HMBOX1: variants seen among roughly 807,000 people sequenced by gnomAD.
The protein encoded by HMBOX1 is homeobox-containing protein 1.
Under a neutral mutation model 54.5 loss-of-function variants are expected in HMBOX1, and 14 were observed. The observed-to-expected ratio is 0.26, with a 90% CI of 0.17 to 0.40. The LOEUF (loss-of-function observed/expected upper bound fraction) is 0.40, where lower values mean the gene tolerates loss of function less well. Ranked by LOEUF, HMBOX1 falls within the 10% of genes least tolerant of loss-of-function variation. The pLI, the probability that HMBOX1 is intolerant of heterozygous loss-of-function variation, is 1.00. For missense variants in HMBOX1, 332 were observed against 514.4 expected, an observed-to-expected ratio of 0.65 and a Z score of 3.43; for synonymous variants, 160 against 181.0, an observed-to-expected ratio of 0.88 and a Z score of 0.93.
chr8:28,975,974 G>T (rs1828289417), intron 3 of HMBOX1, among the ~76,000 whole-genome samples: 1 of 152,166 alleles, frequency 6.6e-6, no homozygotes, highest in African/African-American at 2.4e-5. Context: ...AGGGTCGGGG[G>T]TGATGTCAAA....
intron 1 of HMBOX1, among the ~76,000 whole-genome samples, chr8:28,908,637 C>G (rs533389185): frequency 2.0e-5 from 3 of 152,236 alleles, no homozygotes; most frequent in Non-Finnish European, 4.4e-5. Context: ...TGCCTGTAAT[C>G]CCAGCTATGT....
At chr8:29,036,939 G>A (rs952076345) in intron 6 of HMBOX1, among the ~76,000 whole-genome samples, 1 of 152,194 alleles carries the variant, frequency 6.6e-6, no homozygotes, top group Non-Finnish European at 1.5e-5. Flanking sequence ...AAATCCAGGT[G>A]TAATGAGCTG....
chr8:28,992,869 CA>C (rs34488854), intron 4 of HMBOX1, among the ~76,000 whole-genome samples: 28 of 57,248 alleles, frequency 4.9e-4, no homozygotes, highest in African/African-American at 1.7e-3. Flanking sequence ...GACTCTGTCT[CA>C]AAAAAAAAAA....
At chr8:29,007,337 T>C (rs1409474214) in intron 4 of HMBOX1, among the ~76,000 whole-genome samples, 1 of 152,034 alleles carries the variant, frequency 6.6e-6, no homozygotes, top group African/African-American at 2.4e-5. Context: ...ATAACCATAA[T>C]GTCTGAAACT....
intron 1 of HMBOX1, among the ~76,000 whole-genome samples, chr8:28,893,539 G>A (rs1029390190): frequency 1.3e-5 from 2 of 152,190 alleles, no homozygotes; most frequent in African/African-American, 4.8e-5. Flanking sequence ...CCTTTAGCTG[G>A]AAGTTGAATG....
At chr8:28,949,985 T>C (rs1397306332) in intron 1 of HMBOX1, 4 of 152,246 alleles carry the variant, frequency 2.6e-5, no homozygotes, top group African/African-American at 4.8e-5. Context: ...GGAATTCTTA[T>C]GAGTTACTTT....
intron 3 of HMBOX1, among the ~76,000 whole-genome samples, chr8:28,978,832 A>C (rs1828876996): frequency 1.3e-5 from 2 of 151,982 alleles, no homozygotes; most frequent in Admixed American, 6.6e-5. Context: ...AGATATATAC[A>C]AGACAGAAAA....
At chr8:28,917,148 G>A (rs932979876) in intron 1 of HMBOX1, among the ~76,000 whole-genome samples, 5 of 151,480 alleles carry the variant, frequency 3.3e-5, no homozygotes, top group African/African-American at 9.7e-5. Flanking sequence ...TGTGTTGGCC[G>A]TTAGAGCAAT....
intron 5 of HMBOX1, among the ~76,000 whole-genome samples, chr8:29,010,416 G>A (rs1303795993): frequency 6.6e-6 from 1 of 152,030 alleles, no homozygotes; most frequent in Non-Finnish European, 1.5e-5. Context: ...AATTAGCCAG[G>A]TGTGGTGGGG....
Position 29,018,772 on chromosome 8 carries a change from G to T in HMBOX1, c.710G>T (p.Ser237Ile). The T allele has an allele frequency of 6.2e-7, 1 of 1,614,020 alleles. No individual in the cohort carries two copies. Among genetic ancestry groups the T allele is most frequent in the South Asian group, 1.1e-5 (1 of 91,066 alleles). ...LEKTNPGATL[S>I]MRPAPIPIED... ...TTGTTTATTTCAGGCGCTACACTAA[G>T]TATGAGACCAGCCCCCATTCCAATA... The change falls in exon 6 of 10, where the codon AGT (serine) becomes ATT (isoleucine). Residue 237 changes from serine to isoleucine, a missense_variant. By Grantham distance (142) the Ser-to-Ile change is moderately radical. Coordinates refer to ENST00000287701, the MANE Select transcript of HMBOX1 (RefSeq NM_001135726.3).
At chr8:28,917,155 C>A (rs1176412026) in intron 1 of HMBOX1, among the ~76,000 whole-genome samples, 1 of 151,510 alleles carries the variant, frequency 6.6e-6, no homozygotes, top group African/African-American at 2.4e-5. Context: ...GCCGTTAGAG[C>A]AATTTGGGCA....
chr8:29,006,879 A>G (rs577242044), intron 4 of HMBOX1, among the ~76,000 whole-genome samples: 2 of 152,288 alleles, frequency 1.3e-5, no homozygotes, highest in South Asian at 4.1e-4. Flanking sequence ...ATTTTTCTCA[A>G]GTTTTCTGTT....
chr8:29,047,481 C>T lies in HMBOX1; in HGVS notation c.1030+28C>T, dbSNP rs1247367416. On this transcript the variant is annotated intron_variant, in intron 8 of 9. Coordinates refer to ENST00000287701, the MANE Select transcript of HMBOX1 (RefSeq NM_001135726.3). ...AATGTATCAGTGAGGCTGCTTTTCT[C>T]TTGTGCAGCAGTTGTGAACGTCATG... 4 of 1,168,678 alleles carry T rather than the reference C, an allele frequency of 3.4e-6. No individual in the cohort carries two copies. In the South Asian group the frequency reaches 4.9e-5, roughly 14 times the overall value. 72.4% of individuals were successfully genotyped at this position (1,168,678 alleles called of 1,614,324 possible).
intron 1 of HMBOX1, among the ~76,000 whole-genome samples, chr8:28,938,923 A>G (rs1585939061): frequency 6.6e-6 from 1 of 152,258 alleles, no homozygotes; most frequent in South Asian, 2.1e-4. Context: ...TTGGGAGGCC[A>G]AGGTGGGAGG....
chr8:28,960,784 T>TGGAGACGGAG (rs1825425583), intron 1 of HMBOX1, among the ~76,000 whole-genome samples: 1 of 72,292 alleles, frequency 1.4e-5, no homozygotes, highest in African/African-American at 4.9e-5. Context: ...TTTTTTTTTT[T>TGGAGACGGAG]TTTTTTTTTT....
intron 6 of HMBOX1, 28 bp downstream of exon 6, chr8:29,018,941 T>G (rs749388266): frequency 6.2e-7 from 1 of 1,610,178 alleles, no homozygotes; most frequent in Non-Finnish European, 8.5e-7. Flanking sequence ...CTACGAATGA[T>G]CTCCCAAACT....
intron 2 of HMBOX1, among the ~76,000 whole-genome samples, chr8:28,968,432 C>CT (rs1826814533): frequency 6.6e-6 from 1 of 152,178 alleles, no homozygotes; most frequent in Non-Finnish European, 1.5e-5. Context: ...TCAATAAGAT[C>CT]TAGGCTTAAA....
chr8:28,910,195 CTT>C (rs1049327370), intron 1 of HMBOX1, among the ~76,000 whole-genome samples: 1 of 152,212 alleles, frequency 6.6e-6, no homozygotes, highest in African/African-American at 2.4e-5. Context: ...TTTCTGGTCT[CTT>C]TGACTAAGTG....
intron 2 of HMBOX1, among the ~76,000 whole-genome samples, chr8:28,964,257 A>G (rs745896830): frequency 4.6e-5 from 7 of 152,148 alleles, no homozygotes; most frequent in Non-Finnish European, 8.8e-5. Context: ...TGTGACAAGC[A>G]GACTACTGGA....
Sources: allele counts gnomAD v4.1 joint callset (sites outside exome capture counted in the v4.1 genomes callset), GRCh38; gene constraint gnomAD v4.1.1; transcripts MANE v1.5; gene names NCBI Gene and HGNC (gene_info 2026-07-23, HGNC 2026-07-21).